Variants in IL1RAPL1 observed in about 807,000 individuals in gnomAD.
IL1RAPL1 encodes the protein interleukin 1 receptor accessory protein like 1.
IL1RAPL1 carries 3 observed loss-of-function variants against 48.4 expected under a neutral mutation model. The observed-to-expected ratio is 0.06, with a 90% CI of 0.03 to 0.16. The LOEUF (loss-of-function observed/expected upper bound fraction) is 0.16, where lower values mean the gene tolerates loss of function less well. Ranked by LOEUF, IL1RAPL1 falls within the 10% of genes least tolerant of loss-of-function variation. The pLI, the probability that IL1RAPL1 is intolerant of heterozygous loss-of-function variation, is 1.00. For synonymous variants in IL1RAPL1, 185 were observed against 187.7 expected (o/e 0.99, Z 0.12); for missense variants, 349 against 530.6 (o/e 0.66, Z 3.36).
intron 2 of IL1RAPL1, among the ~76,000 whole-genome samples, chrX:29,179,516 A>G (rs1569253525): frequency 1.8e-5 from 2 of 111,395 alleles, no homozygotes; most frequent in Non-Finnish European, 3.8e-5. Context: ...GTTACCTAGT[A>G]TGGCAAAAAA....
At chrX:28,659,390 C>G (rs1205864373) in intron 1 of IL1RAPL1, 21 of 543,021 alleles carry the variant, frequency 3.9e-5, no homozygotes, top group Non-Finnish European at 7.1e-5. Context: ...CGCACTCTTG[C>G]AAGCGGCTTT....
chrX:28,686,472 T>A (rs1326487758), intron 1 of IL1RAPL1, among the ~76,000 whole-genome samples: 1 of 112,057 alleles, frequency 8.9e-6, no homozygotes, highest in Non-Finnish European at 1.9e-5. Context: ...ACTAAAAATA[T>A]AATGTGAACA....
At chrX:29,901,774 A>C (rs1364655311) in intron 6 of IL1RAPL1, among the ~76,000 whole-genome samples, 4 of 112,178 alleles carry the variant, frequency 3.6e-5, no homozygotes, top group African/African-American at 1.3e-4. Context: ...ATGAGAAAGC[A>C]CTGTAAGAGT....
intron 8 of IL1RAPL1, among the ~76,000 whole-genome samples, chrX:29,925,412 GTTTTTTTTTTTTTTTT>G (rs763481708): frequency 7.8e-4 from 9 of 11,466 alleles, no homozygotes; most frequent in Non-Finnish European, 1.0e-3. Flanking sequence ...TCCCGTAACT[GTTTTTTTTTTTTTTTT>G]TTTTTTTTTT....
chrX:28,850,919 A>G (rs916152913), intron 2 of IL1RAPL1, among the ~76,000 whole-genome samples: 1 of 103,962 alleles, frequency 9.6e-6, no homozygotes, highest in East Asian at 3.1e-4. Flanking sequence ...CTTCTTTTCA[A>G]TTTGAACTCC....
At chrX:28,840,009 G>T (rs920422747) in intron 2 of IL1RAPL1, among the ~76,000 whole-genome samples, 20 of 110,785 alleles carry the variant, frequency 1.8e-4, no homozygotes, top group African/African-American at 6.5e-4. Context: ...ACTACACCAA[G>T]TAAGAAGTGC....
chrX:28,865,862 G>C (rs1026202531), intron 2 of IL1RAPL1, among the ~76,000 whole-genome samples: 2 of 111,794 alleles, frequency 1.8e-5, no homozygotes, highest in African/African-American at 3.3e-5. Flanking sequence ...AGTAAGATGA[G>C]AACTGTCAAA....
At chrX:28,715,579 A>G (rs1345889401) in intron 1 of IL1RAPL1, among the ~76,000 whole-genome samples, 1 of 111,922 alleles carries the variant, frequency 8.9e-6, no homozygotes, top group Admixed American at 9.5e-5. Flanking sequence ...TAGAAAATCT[A>G]GAAGAAAGGG....
intron 2 of IL1RAPL1, among the ~76,000 whole-genome samples, chrX:28,949,342 G>A (rs1486460637): frequency 9.1e-6 from 1 of 109,874 alleles, no homozygotes; most frequent in Non-Finnish European, 1.9e-5. Context: ...CCTTTACCAA[G>A]GTAAAAGTGT....
chrX:29,846,651 G>GAGAT (rs1251260193), intron 6 of IL1RAPL1, among the ~76,000 whole-genome samples: 2 of 108,732 alleles, frequency 1.8e-5, no homozygotes, highest in African/African-American at 6.7e-5. Flanking sequence ...AGTTTCTTAG[G>GAGAT]AGATACTTTA....
At chrX:28,987,821 C>G (rs1307666644) in intron 2 of IL1RAPL1, among the ~76,000 whole-genome samples, 1 of 112,021 alleles carries the variant, frequency 8.9e-6, no homozygotes, top group Admixed American at 9.5e-5. Flanking sequence ...TGAATGCCCT[C>G]TGTGTGTGTA....
rs1156258285 is a variant in IL1RAPL1 at position 29,683,434 on chromosome X, T to C, written c.778+14930T>C. Among the ~76,000 whole-genome samples, 6 of 112,309 alleles carry C rather than the reference T, an allele frequency of 5.3e-5. No individual in the cohort carries two copies. The East Asian group carries it at 1.7e-3, about 31-fold the overall frequency. On this transcript the variant is annotated intron_variant, in intron 6 of 10. Transcript: ENST00000378993. ...CAGTCGTGATCCAGTAGGTACAGCT[T>C]TCCTTGATTAGTGATCTTAATTTAT... is the stretch of plus-strand genomic sequence containing the variant.
chrX:29,048,094 C>A (rs1569226359), intron 2 of IL1RAPL1, among the ~76,000 whole-genome samples: 1 of 111,241 alleles, frequency 9.0e-6, no homozygotes, highest in Non-Finnish European at 1.9e-5. Flanking sequence ...TGTTTGTCAC[C>A]ATCTTCTACC....
intron 1 of IL1RAPL1, among the ~76,000 whole-genome samples, chrX:28,700,670 T>C (rs1017058429): frequency 1.8e-5 from 2 of 110,527 alleles, no homozygotes; most frequent in African/African-American, 6.6e-5. Flanking sequence ...CCCGCATGCA[T>C]TAGTTATTTG....
chrX:29,528,794 G>C (rs755596373), intron 5 of IL1RAPL1, among the ~76,000 whole-genome samples: 12 of 111,899 alleles, frequency 1.1e-4, no homozygotes, highest in Non-Finnish European at 1.9e-4. Context: ...AACATAACTT[G>C]ATCAAGGGAG....
At chrX:28,798,450 T>C (rs987283938) in intron 2 of IL1RAPL1, among the ~76,000 whole-genome samples, 1 of 112,008 alleles carries the variant, frequency 8.9e-6, no homozygotes, top group African/African-American at 3.2e-5. Context: ...ACCTCTCTCT[T>C]TCCCTTATAA....
intron 6 of IL1RAPL1, among the ~76,000 whole-genome samples, chrX:29,706,103 T>G (rs1478086123): frequency 9.0e-6 from 1 of 111,103 alleles, no homozygotes; most frequent in Non-Finnish European, 1.9e-5. Flanking sequence ...TTTAAAACCA[T>G]CGGATCTTGT....
intron 2 of IL1RAPL1, among the ~76,000 whole-genome samples, chrX:28,989,754 G>A (rs1041342622): frequency 8.9e-6 from 1 of 112,049 alleles, no homozygotes; most frequent in African/African-American, 3.2e-5. Context: ...ATAGTTAGTG[G>A]TTAATATTTT....
chrX:28,705,447 C>T (rs1051855919), intron 1 of IL1RAPL1, among the ~76,000 whole-genome samples: 1 of 112,169 alleles, frequency 8.9e-6, no homozygotes. Context: ...TTTAAATAGG[C>T]TTTTCTGTAA....
Sources: allele counts gnomAD v4.1 joint callset (sites outside exome capture counted in the v4.1 genomes callset), GRCh38; gene constraint gnomAD v4.1.1; transcripts MANE v1.5; gene names NCBI Gene and HGNC (gene_info 2026-07-23, HGNC 2026-07-21).